The following TEX36 variants were observed in gnomAD, a reference collection of about 807,000 sequenced individuals.
TEX36 encodes the protein testis expressed 36.
Under a neutral mutation model 13.6 loss-of-function variants are expected in TEX36, and 12 were observed. The ratio of observed to expected loss-of-function variants is 0.88; its 90% CI spans 0.56 to 1.43. The LOEUF (loss-of-function observed/expected upper bound fraction) is 1.43. TEX36 is among the 40% of genes most tolerant of loss of function. TEX36 has a pLI of 0.00. For missense variants in TEX36, 224 were observed against 228.3 expected (o/e 0.98, Z 0.12); for synonymous variants, 93 against 83.0 (o/e 1.12, Z -0.65).
intron 3 of TEX36, among the ~76,000 whole-genome samples, chr10:125,588,597 GTTTGT>G (rs1845986223): frequency 3.7e-5 from 1 of 27,212 alleles, no homozygotes; most frequent in Admixed American, 4.3e-4. Context: ...CTCTTGGTTT[GTTTGT>G]TTGTTTGTTT....
chr10:125,579,997 G>T (rs949920989), intron 3 of TEX36, among the ~76,000 whole-genome samples: 1 of 152,194 alleles, frequency 6.6e-6, no homozygotes, highest in African/African-American at 2.4e-5. Flanking sequence ...AATGTTGTTA[G>T]ATGTTGGTCA....
intron 1 of TEX36, among the ~76,000 whole-genome samples, chr10:125,672,248 C>A (rs1162471981): frequency 6.6e-6 from 1 of 152,112 alleles, no homozygotes; most frequent in African/African-American, 2.4e-5. Flanking sequence ...ATCTTTCTAG[C>A]TTTTTGATGT....
Position 125,683,111 on chromosome 10 carries a change from C to T in TEX36, c.-122G>A. On this transcript the variant is annotated 5_prime_UTR_variant, in exon 1 of 4. Transcript: ENST00000368821. ...ACACGTCTGGGAAGCTCCTCCTCCT[C>T]CTTGTTCCTGATCTTTACTTCTCAG... 9.0e-7 allele frequency: 1 copy of T among 1,113,176 alleles called. No individual in the cohort carries two copies. The allele number at this position is 1,113,176 out of a possible 1,614,324, so 69.0% of individuals were successfully genotyped here.
At chr10:125,657,427 T>G (rs1227219130) in intron 3 of TEX36, among the ~76,000 whole-genome samples, 1 of 152,016 alleles carries the variant, frequency 6.6e-6, no homozygotes, top group African/African-American at 2.4e-5. Context: ...GAGGGACAAG[T>G]GTATGACGCG....
chr10:125,607,859 C>T (rs760795019), intron 3 of TEX36, among the ~76,000 whole-genome samples: 15 of 152,092 alleles, frequency 9.9e-5, no homozygotes, highest in Admixed American at 2.0e-4. Context: ...AACCCTGTCT[C>T]GAGTTTGGAC....
intron 3 of TEX36, among the ~76,000 whole-genome samples, chr10:125,597,437 T>C (rs1452176248): frequency 1.3e-5 from 2 of 152,240 alleles, no homozygotes; most frequent in Admixed American, 1.3e-4. Context: ...TAATGCTTAA[T>C]ACCCAAACTG....
intron 3 of TEX36, among the ~76,000 whole-genome samples, chr10:125,593,199 A>G (rs1269243939): frequency 6.6e-6 from 1 of 152,254 alleles, no homozygotes. Flanking sequence ...CCCAGCCACC[A>G]GTCATCTCAT....
At chr10:125,609,933 G>T (rs948441133) in intron 3 of TEX36, among the ~76,000 whole-genome samples, 2 of 152,230 alleles carry the variant, frequency 1.3e-5, no homozygotes, top group African/African-American at 4.8e-5. Flanking sequence ...ACGCAGTCAA[G>T]AGGCTGGACA....
At chr10:125,625,711 G>A (rs1390216726) in intron 3 of TEX36, among the ~76,000 whole-genome samples, 1 of 152,244 alleles carries the variant, frequency 6.6e-6, no homozygotes, top group Non-Finnish European at 1.5e-5. Context: ...CTCACAGAGA[G>A]CAAGGAACAG....
chr10:125,668,122 CT>C (rs35740159), intron 1 of TEX36, among the ~76,000 whole-genome samples: 42,920 of 151,824 alleles, frequency 0.28, 9,637 homozygotes, highest in African/African-American at 0.59. Context: ...CTGTAGTTGT[CT>C]TTTTTTTGTT....
intron 1 of TEX36, among the ~76,000 whole-genome samples, chr10:125,681,892 C>T (rs1847400371): frequency 6.6e-6 from 1 of 152,190 alleles, no homozygotes; most frequent in Non-Finnish European, 1.5e-5. Flanking sequence ...GAAACTGAGA[C>T]TTAGAAAGAC....
downstream of TEX36, among the ~76,000 whole-genome samples, chr10:125,652,482 A>G (rs1846876003): frequency 6.6e-6 from 1 of 152,236 alleles, no homozygotes; most frequent in South Asian, 2.1e-4. Flanking sequence ...TACAAAAATT[A>G]ATTCAAGATG....
intron 3 of TEX36, among the ~76,000 whole-genome samples, chr10:125,591,930 C>A: frequency 6.6e-6 from 1 of 152,120 alleles, no homozygotes; most frequent in East Asian, 1.9e-4. Context: ...AGGGCCCAGG[C>A]TCAACAATAT....
chr10:125,632,798 A>G (rs1056332724), intron 3 of TEX36, among the ~76,000 whole-genome samples: 2 of 152,082 alleles, frequency 1.3e-5, no homozygotes, highest in Non-Finnish European at 2.9e-5. Flanking sequence ...AAGCCAGCTC[A>G]TGTCTCTTGA....
At chr10:125,620,683 C>T (rs1457823036), downstream of TEX36, among the ~76,000 whole-genome samples, 1 of 152,122 alleles carries the variant, frequency 6.6e-6, no homozygotes, top group Non-Finnish European at 1.5e-5. Flanking sequence ...ATATATACTT[C>T]AGTAGTGTTA....
At chr10:125,643,629 C>A (rs1358375547) in intron 3 of TEX36, among the ~76,000 whole-genome samples, 1 of 151,908 alleles carries the variant, frequency 6.6e-6, no homozygotes, top group Non-Finnish European at 1.5e-5. Flanking sequence ...GTAATGCCAG[C>A]TACTTGGGAG....
intron 3 of TEX36, among the ~76,000 whole-genome samples, chr10:125,600,740 T>C (rs979264991): frequency 3.3e-5 from 5 of 152,124 alleles, no homozygotes; most frequent in African/African-American, 1.2e-4. Context: ...TAAACACAAA[T>C]CATTCTGTTT....
chr10:125,658,718 AT>A (rs1846985228), intron 3 of TEX36, among the ~76,000 whole-genome samples: 1 of 152,134 alleles, frequency 6.6e-6, no homozygotes, highest in Non-Finnish European at 1.5e-5. Context: ...CAATGAATAG[AT>A]TATTTCTAAA....
At chr10:125,672,340 C>T (rs1847245714) in intron 1 of TEX36, among the ~76,000 whole-genome samples, 1 of 152,156 alleles carries the variant, frequency 6.6e-6, no homozygotes, top group Non-Finnish European at 1.5e-5. Context: ...TCTTTGTTCT[C>T]ATTGATTTCA....
Sources: gnomAD v4.1 joint callset for allele counts (sites outside exome capture counted in the v4.1 genomes callset) on GRCh38, gnomAD v4.1.1 for gene constraint, MANE v1.5 for transcripts, NCBI Gene and HGNC (gene_info 2026-07-23, HGNC 2026-07-21) for gene names.